The following RP1 variants were observed in gnomAD, a reference collection of about 807,000 sequenced individuals.
The protein encoded by RP1 is RP1 axonemal microtubule associated, also known as oxygen-regulated protein 1.
Under a neutral mutation model 14.8 loss-of-function variants are expected in RP1, and 16 were observed. The ratio of observed to expected loss-of-function variants is 1.08; its 90% confidence interval spans 0.73 to 1.65. RP1 has a LOEUF of 1.65. Ranked by LOEUF, RP1 falls within the 40% of genes most tolerant of loss-of-function variation. RP1 has a pLI of 0.00. For synonymous variants in RP1, 876 were observed against 883.6 expected (o/e 0.99, Z 0.15); for missense variants, 2,631 against 2,535.0 (o/e 1.04, Z -0.81).
intron 25 of RP1, among the ~76,000 whole-genome samples, chr8:54,846,792 T>C (rs574379168): frequency 6.6e-6 from 1 of 152,286 alleles, no homozygotes; most frequent in Admixed American, 6.5e-5. Context: ...CCACCTTCAG[T>C]TCTCTTTGGC....
At chr8:54,809,173 C>T (rs1585710971) in intron 24 of RP1, among the ~76,000 whole-genome samples, 1 of 152,182 alleles carries the variant, frequency 6.6e-6, no homozygotes, top group South Asian at 2.1e-4. Context: ...AGAAATGTGG[C>T]TCTATACAAG....
At chr8:54,765,062 G>A (rs1459245731) in intron 22 of RP1, among the ~76,000 whole-genome samples, 1 of 152,236 alleles carries the variant, frequency 6.6e-6, no homozygotes, top group Non-Finnish European at 1.5e-5. Context: ...GCAGAGAGCG[G>A]CGTTTCTGCT....
chr8:54,579,159 G>A (rs1804724616), intron 1 of RP1, among the ~76,000 whole-genome samples: 1 of 152,160 alleles, frequency 6.6e-6, no homozygotes. Flanking sequence ...ACCATAGTCT[G>A]TCTAGGAAAC....
intron 4 of RP1, among the ~76,000 whole-genome samples, chr8:54,652,511 T>G (rs2129326207): frequency 6.6e-6 from 1 of 152,286 alleles, no homozygotes; most frequent in Admixed American, 6.5e-5. Flanking sequence ...CTCTATTTTC[T>G]TATTCTTTTC....
exon 29 of RP1, chr8:54,870,518 C>T (rs1378389068): frequency 6.6e-6 from 1 of 152,174 alleles, no homozygotes; most frequent in Non-Finnish European, 1.5e-5. Flanking sequence ...AGTGCACGTC[C>T]TGTGGGTCCA....
At chr8:54,845,426 G>GA (rs921572842) in intron 25 of RP1, among the ~76,000 whole-genome samples, 1 of 152,210 alleles carries the variant, frequency 6.6e-6, no homozygotes, top group South Asian at 2.1e-4. Flanking sequence ...ATTCTAACCT[G>GA]AAAAAACATG....
chr8:54,737,690 C>A (rs1808966629), intron 18 of RP1, among the ~76,000 whole-genome samples: 1 of 152,082 alleles, frequency 6.6e-6, no homozygotes, highest in Non-Finnish European at 1.5e-5. Context: ...TTGAAACAGG[C>A]CCAGGTCTGT....
At chr8:54,713,895 T>C (rs976642800) in intron 15 of RP1, among the ~76,000 whole-genome samples, 6 of 152,232 alleles carry the variant, frequency 3.9e-5, no homozygotes, top group African/African-American at 1.4e-4. Flanking sequence ...ATTACTGAAA[T>C]TGCCTTTGCA....
chr8:54,588,238 C>A (rs1282950482), intron 1 of RP1, among the ~76,000 whole-genome samples: 1 of 152,258 alleles, frequency 6.6e-6, no homozygotes, highest in East Asian at 1.9e-4. Context: ...AACAATGTTT[C>A]CACGGTGGGC....
At chr8:54,814,222 T>C (rs1447872666) in intron 24 of RP1, among the ~76,000 whole-genome samples, 2 of 152,202 alleles carry the variant, frequency 1.3e-5, no homozygotes, top group Non-Finnish European at 2.9e-5. Context: ...TTCTTAGATA[T>C]GTTAGGCGCA....
At chr8:54,738,813 C>T (rs1808998941) in intron 18 of RP1, 1 of 534,152 alleles carries the variant, frequency 1.9e-6, no homozygotes, top group Non-Finnish European at 3.2e-6. Flanking sequence ...TTTCTAGACT[C>T]TGAAAGAGTT....
rs866260489 is a variant in RP1 at position 54,571,761 on chromosome 8, C to G, written c.-13+12441C>G. ...CTAAGGGCAGTGAGGGAGGATCTGTCCAGGCCTCTTCCTCAGCTCCTGGTG... is the reference window on the plus strand; with the variant it reads ...CTAAGGGCAGTGAGGGAGGATCTGTGCAGGCCTCTTCCTCAGCTCCTGGTG... On this transcript the variant is annotated intron_variant, in intron 1 of 22. Coordinates refer to the RP1 transcript ENST00000636932. Among the ~76,000 whole-genome samples, 4 of 152,284 alleles carry G rather than the reference C, an allele frequency of 2.6e-5. 1 individual carries two copies. The highest frequency in any genetic ancestry group is 6.8e-3 in the Middle Eastern group (2 of 294).
Position 54,624,593 on chromosome 8 carries a change from C to G in RP1, c.788-77C>G, listed in dbSNP as rs895849802. The G allele has an allele frequency of 2.8e-6, 4 of 1,445,162 alleles. No individual in the cohort carries two copies. In the Admixed American group the frequency reaches 5.2e-5, roughly 19 times the overall value. The allele number at this position is 1,445,162 out of a possible 1,614,324, so 89.5% of individuals were successfully genotyped here. On this transcript the variant is annotated intron_variant, in intron 3 of 3. Coordinates refer to ENST00000220676, the MANE Select transcript of RP1 (RefSeq NM_006269.2). Reference sequence around the variant, plus strand: ...CTCTTTCTTTTTTTGCTGCCTCTTCCTTTGGATATTTCTAACTTCTCTGCC... The same window carrying G: ...CTCTTTCTTTTTTTGCTGCCTCTTCGTTTGGATATTTCTAACTTCTCTGCC...
chr8:54,574,983 A>G (rs1283949381), intron 1 of RP1, among the ~76,000 whole-genome samples: 1 of 152,182 alleles, frequency 6.6e-6, no homozygotes, highest in Non-Finnish European at 1.5e-5. Flanking sequence ...TCTATATTTT[A>G]TATTGAAACT....
chr8:54,598,443 T>C (rs1805200471), intron 1 of RP1, among the ~76,000 whole-genome samples: 1 of 152,202 alleles, frequency 6.6e-6, no homozygotes, highest in Admixed American at 6.5e-5. Context: ...ATATTTCCTC[T>C]ACTTCATTGA....
At chr8:54,693,678 G>A (rs1807778628) in intron 12 of RP1, among the ~76,000 whole-genome samples, 2 of 152,172 alleles carry the variant, frequency 1.3e-5, no homozygotes, top group South Asian at 4.1e-4. Flanking sequence ...TGTATCCTGA[G>A]ACTTTGCTGA....
At chr8:54,633,915 C>T (rs1236931615), downstream of RP1, among the ~76,000 whole-genome samples, 5 of 151,906 alleles carry the variant, frequency 3.3e-5, no homozygotes, top group Non-Finnish European at 4.4e-5. Flanking sequence ...GTAACAGTAC[C>T]TTTAATGTAG....
Position 54,626,946 on chromosome 8 carries a change from G to C in RP1, c.3064G>C (p.Glu1022Gln), listed in dbSNP as rs373327386. 1.9e-6 allele frequency: 3 copies of C among 1,613,898 alleles called. No individual in the cohort carries two copies. Among genetic ancestry groups the C allele is most frequent in the Non-Finnish European group, 2.5e-6 (3 of 1,179,972 alleles). ...LNDAYLVPLH[E>Q]HCTLSQSAIN... ...TGATGCTTATTTGGTTCCCCTGCAT[G>C]AACACTGTACTTTGTCACAGTCAGC... Residue 1022 changes from glutamate (E) to glutamine (Q), a missense_variant, in exon 4 of 4, where the codon GAA becomes CAA. Glu to Gln is a conservative substitution (Grantham distance 29). Transcript: ENST00000220676.
intron 15 of RP1, among the ~76,000 whole-genome samples, chr8:54,717,537 G>T (rs1186522518): frequency 1.3e-5 from 2 of 152,092 alleles, no homozygotes; most frequent in Non-Finnish European, 2.9e-5. Flanking sequence ...ATGGCTGATT[G>T]AATATTGGTG....
Sources: gnomAD v4.1 joint callset for allele counts (sites outside exome capture counted in the v4.1 genomes callset) on GRCh38, gnomAD v4.1.1 for gene constraint, MANE v1.5 for transcripts, NCBI Gene and HGNC (gene_info 2026-07-23, HGNC 2026-07-21) for gene names.